The following DNMBP variants were observed in gnomAD, a reference collection of about 807,000 sequenced individuals.
DNMBP encodes the protein dynamin-binding protein.
In DNMBP, 87 loss-of-function variants were observed where a neutral mutation model predicts 150.0. The ratio of observed to expected loss-of-function variants is 0.58; its 90% CI spans 0.49 to 0.69. DNMBP has a LOEUF of 0.69. Ranked by LOEUF, DNMBP falls within the 30% of genes least tolerant of loss-of-function variation. The probability of loss-of-function intolerance (pLI) is 0.00; values close to 1 mark genes in which losing one functional copy is unlikely to be tolerated. For synonymous variants in DNMBP, 711 were observed against 750.4 expected (o/e 0.95, Z 0.86); for missense variants, 1,774 against 1,949.0 (o/e 0.91, Z 1.69).
intron 14 of DNMBP, 108 bp downstream of exon 14, chr10:99,885,579 T>C: frequency 9.4e-7 from 1 of 1,064,012 alleles, no homozygotes; most frequent in Non-Finnish European, 1.3e-6. Context: ...TCTCCATTTA[T>C]TATGAAATAC....
At chr10:99,966,313 G>A (rs1420682861) in intron 3 of DNMBP, among the ~76,000 whole-genome samples, 2 of 152,188 alleles carry the variant, frequency 1.3e-5, no homozygotes, top group African/African-American at 4.8e-5. Context: ...CTTTCCCAGT[G>A]TATCCCCCTG....
chr10:99,925,904 G>A (rs2040072960), intron 4 of DNMBP, among the ~76,000 whole-genome samples: 1 of 152,146 alleles, frequency 6.6e-6, no homozygotes, highest in African/African-American at 2.4e-5. Context: ...AGTCATGAGT[G>A]GCTACCCATT....
At chr10:99,945,758 CAA>C (rs1023802135) in intron 4 of DNMBP, among the ~76,000 whole-genome samples, 1 of 151,988 alleles carries the variant, frequency 6.6e-6, no homozygotes, top group African/African-American at 2.4e-5. Context: ...AGAAGAAATA[CAA>C]AAGAGATGTG....
chr10:99,955,554 T>G lies in DNMBP; in HGVS notation c.1920A>C (p.Arg640=), dbSNP rs760752681. The change falls in exon 4 of 17, where the codon CGA becomes CGC. Residue 640 remains arginine (R), a synonymous_variant. Coordinates refer to ENST00000324109, the MANE Select transcript of DNMBP (RefSeq NM_015221.4). ...NLKPAPPLVV[R]PSRPAPLPPS... ...GAGGCAGGGGAGCTGGGCGAGAGGG[T>G]CGCACCACCAAGGGTGGTGCAGGTT... The G allele has an allele frequency of 6.2e-7, 1 of 1,600,922 alleles. No individual in the cohort carries two copies. The highest frequency in any genetic ancestry group is 8.5e-7 in the Non-Finnish European group (1 of 1,173,980).
In DNMBP at chr10:99,886,411, G is replaced by A; in HGVS notation, c.3507C>T (p.Pro1169=). 6.2e-7 allele frequency: 1 copy of A among 1,614,178 alleles called. No homozygotes were observed. Among genetic ancestry groups the A allele is most frequent in the Non-Finnish European group, 8.5e-7 (1 of 1,180,032 alleles). ...GGCCCTGGGCGTACTGGTGGAACTT[G>A]GGCAGCTCATCCAGCAGCTGTGCAT... ...ALNAQLLDEL[P]KFHQYAQGLF... is the part of the protein sequence containing the mutation. The change falls in exon 13 of 17, where the codon CCC becomes CCT. Residue 1169 remains proline (P), a synonymous_variant. Transcript: ENST00000324109.
intron 6 of DNMBP, among the ~76,000 whole-genome samples, chr10:99,901,593 T>C (rs897253659): frequency 2.0e-5 from 3 of 152,148 alleles, no homozygotes; most frequent in Non-Finnish European, 4.4e-5. Context: ...TACAGAACAA[T>C]TGCCTTCAGA....
chr10:99,921,826 C>CT (rs1320232717), intron 4 of DNMBP, among the ~76,000 whole-genome samples: 1 of 129,508 alleles, frequency 7.7e-6, no homozygotes, highest in Non-Finnish European at 1.6e-5. Context: ...GATCACGCCA[C>CT]TGCACTCCAG....
At chr10:99,923,165 C>T (rs931150122) in intron 4 of DNMBP, among the ~76,000 whole-genome samples, 4 of 151,792 alleles carry the variant, frequency 2.6e-5, no homozygotes, top group Admixed American at 6.6e-5. Context: ...CCGAGGTGGG[C>T]GGATCAGGAG....
intron 4 of DNMBP, chr10:99,927,362 T>C (rs898840158): frequency 2.6e-5 from 4 of 152,150 alleles, no homozygotes; most frequent in African/African-American, 9.7e-5. Flanking sequence ...GAAATGGCCA[T>C]TTATGAGCAC....
chr10:99,938,973 T>G (rs61870676), intron 4 of DNMBP, among the ~76,000 whole-genome samples: 4,155 of 152,240 alleles, frequency 0.027, 73 homozygotes, highest in South Asian at 0.083. Context: ...TCCTAGTGGG[T>G]GGGCCATCAT....
chr10:99,907,234 G>A (rs2039837500), intron 6 of DNMBP, among the ~76,000 whole-genome samples: 1 of 151,892 alleles, frequency 6.6e-6, no homozygotes, highest in Non-Finnish European at 1.5e-5. Context: ...GACCAAGGTA[G>A]GGAGGATGAC....
In DNMBP at chr10:99,933,417, A is replaced by G. The variant is rs116618241; in HGVS notation, c.2260+21797T>C. Among the ~76,000 whole-genome samples, 1,302 of 152,366 alleles carry G rather than the reference A, an allele frequency of 8.5e-3. 21 individuals are homozygous for G. Among genetic ancestry groups the G allele is most frequent in the African/African-American group, 0.03 (1,248 of 41,582 alleles). On this transcript the variant is annotated intron_variant, in intron 4 of 16. Coordinates refer to ENST00000324109, the MANE Select transcript of DNMBP (RefSeq NM_015221.4). Reference sequence around the variant, plus strand: ...TGAAGATTCACCTTTACTGTGTAGAAATAACCAATAAAATAGCAATCCATC... The same window carrying G: ...TGAAGATTCACCTTTACTGTGTAGAGATAACCAATAAAATAGCAATCCATC...
intron 3 of DNMBP, chr10:99,957,585 G>C (rs1453029349): frequency 4.7e-6 from 1 of 211,518 alleles, no homozygotes. Flanking sequence ...CCAGAAATCC[G>C]AGCACTTTGG....
At chr10:99,985,156 A>G (rs2040816643) in intron 1 of DNMBP, among the ~76,000 whole-genome samples, 1 of 152,098 alleles carries the variant, frequency 6.6e-6, no homozygotes, top group African/African-American at 2.4e-5. Context: ...CAAACTGTCC[A>G]ATTGGAGTTA....
At chr10:100,003,334 G>A (rs1443890093) in intron 1 of DNMBP, among the ~76,000 whole-genome samples, 2 of 152,110 alleles carry the variant, frequency 1.3e-5, no homozygotes, top group South Asian at 2.1e-4. Context: ...GCGACAGAGC[G>A]AGACTCCATT....
At chr10:100,005,312 G>A (rs1420191196) in intron 1 of DNMBP, among the ~76,000 whole-genome samples, 3 of 152,130 alleles carry the variant, frequency 2.0e-5, no homozygotes, top group African/African-American at 7.2e-5. Flanking sequence ...CAATATTTAT[G>A]GTGTTAGGGG....
chr10:99,905,001 A>C (rs958381195), intron 6 of DNMBP, among the ~76,000 whole-genome samples: 2 of 152,248 alleles, frequency 1.3e-5, no homozygotes, highest in African/African-American at 4.8e-5. Flanking sequence ...ATAAACTGGA[A>C]GAAAAATGAG....
At chr10:99,951,754 G>C (rs183869126) in intron 4 of DNMBP, among the ~76,000 whole-genome samples, 1 of 152,302 alleles carries the variant, frequency 6.6e-6, no homozygotes, top group East Asian at 1.9e-4. Context: ...TAACTAACTT[G>C]CTTTTGATTT....
At chr10:99,945,821 T>G (rs544539150) in intron 4 of DNMBP, among the ~76,000 whole-genome samples, 2 of 152,320 alleles carry the variant, frequency 1.3e-5, no homozygotes, top group South Asian at 4.1e-4. Context: ...ATCTAAAATC[T>G]GAATTAGCAC....
Sources: gnomAD v4.1 joint callset for allele counts (sites outside exome capture counted in the v4.1 genomes callset) on GRCh38, gnomAD v4.1.1 for gene constraint, MANE v1.5 for transcripts, NCBI Gene and HGNC (gene_info 2026-07-23, HGNC 2026-07-21) for gene names.